BOLL: variants seen among roughly 807,000 people sequenced by gnomAD.
BOLL encodes boule RNA binding protein, also known as protein boule-like.
In BOLL, 23 loss-of-function variants were observed where a neutral mutation model predicts 44.4. The observed-to-expected ratio is 0.52, with a 90% confidence interval of 0.37 to 0.73. The LOEUF (loss-of-function observed/expected upper bound fraction) is 0.73, where lower values mean the gene tolerates loss of function less well. Ranked by LOEUF, BOLL falls within the 30% of genes least tolerant of loss-of-function variation. The pLI, the probability that BOLL is intolerant of heterozygous loss-of-function variation, is 0.00. For synonymous variants in BOLL, 97 were observed against 110.8 expected (o/e 0.88, Z 0.78); for missense variants, 287 against 338.3 (o/e 0.85, Z 1.19).
At position 197,728,179 on chromosome 2, in the gene BOLL, T is replaced by C. The variant is rs1238673364; in HGVS notation, c.*376A>G. On this transcript the variant is annotated 3_prime_UTR_variant, in exon 11 of 11. Transcript: ENST00000392296. ...ATATGAAAATAAATATCAAATAATA[T>C]GAAACATAACATCTAATTGTTTGAT... 3 of 328,636 alleles carry C rather than the reference T, an allele frequency of 9.1e-6. No homozygotes were observed. The highest frequency in any genetic ancestry group is 4.9e-5 in the East Asian group (1 of 20,336). The allele number at this position is 328,636 out of a possible 1,614,324, so 20.4% of individuals were successfully genotyped here. A position where few individuals can be genotyped will look rare whatever the true frequency, so the allele number is the denominator to read the frequency against.
At chr2:197,740,473 A>G (rs1687678766) in intron 10 of BOLL, among the ~76,000 whole-genome samples, 1 of 152,148 alleles carries the variant, frequency 6.6e-6, no homozygotes, top group Non-Finnish European at 1.5e-5. Context: ...AATTCCCTGT[A>G]CATAGTAGAT....
At chr2:197,743,234 T>C in intron 9 of BOLL, 75 bp from the exon 10 acceptor site, 3 of 1,038,228 alleles carry the variant, frequency 2.9e-6, no homozygotes, top group Admixed American at 3.0e-5. Flanking sequence ...ATTTACAATA[T>C]ACTAATCATC....
At chr2:197,773,262 C>T (rs1452483021) in intron 5 of BOLL, among the ~76,000 whole-genome samples, 1 of 151,342 alleles carries the variant, frequency 6.6e-6, no homozygotes, top group Non-Finnish European at 1.5e-5. Context: ...GTTCATTATT[C>T]AATAATGGTT....
At chr2:197,748,958 G>T (rs1688109817) in intron 9 of BOLL, among the ~76,000 whole-genome samples, 1 of 152,216 alleles carries the variant, frequency 6.6e-6, no homozygotes, top group African/African-American at 2.4e-5. Context: ...CTCCTAGCAG[G>T]GGTTGACAGA....
intron 7 of BOLL, among the ~76,000 whole-genome samples, chr2:197,766,324 C>T (rs1201051757): frequency 6.6e-6 from 1 of 152,106 alleles, no homozygotes; most frequent in Non-Finnish European, 1.5e-5. Context: ...TCTCTGTAAC[C>T]TCGCCAGCAT....
intron 7 of BOLL, among the ~76,000 whole-genome samples, chr2:197,765,777 G>C (rs1483394723): frequency 6.6e-6 from 1 of 151,944 alleles, no homozygotes; most frequent in Non-Finnish European, 1.5e-5. Flanking sequence ...TGTCACAGGA[G>C]GTTGTTACAC....
intron 1 of BOLL, chr2:197,784,543 G>C (rs2106400508): frequency 5.2e-6 from 1 of 194,120 alleles, no homozygotes; most frequent in African/African-American, 2.4e-5. Flanking sequence ...AGATTCTCCT[G>C]CCTCAGCCTC....
At chr2:197,733,582 CA>C (rs1687316887) in intron 10 of BOLL, among the ~76,000 whole-genome samples, 1 of 152,044 alleles carries the variant, frequency 6.6e-6, no homozygotes, top group Admixed American at 6.6e-5. Flanking sequence ...CTACAGTAAC[CA>C]AAACAGCATG....
chr2:197,775,533 C>T (rs1483683573), intron 5 of BOLL, 132 bp downstream of exon 5: 5 of 622,942 alleles, frequency 8.0e-6, no homozygotes, highest in African/African-American at 3.9e-5. Flanking sequence ...TCAGTTTTTC[C>T]ACCAACTTTG....
At chr2:197,729,247 C>T (rs1383092186) in intron 10 of BOLL, among the ~76,000 whole-genome samples, 4 of 152,238 alleles carry the variant, frequency 2.6e-5, no homozygotes, top group African/African-American at 9.6e-5. Flanking sequence ...CACTACTGCG[C>T]TTTTCCGACG....
chr2:197,779,948 C>T (rs1440177542), intron 2 of BOLL, among the ~76,000 whole-genome samples: 1 of 151,910 alleles, frequency 6.6e-6, no homozygotes, highest in Non-Finnish European at 1.5e-5. Context: ...AGTTCAACTG[C>T]CACCTCACTA....
Position 197,781,786 on chromosome 2 carries a change from G to C in BOLL, c.65C>G (p.Thr22Arg). 6.2e-7 allele frequency: 1 copy of C among 1,607,788 alleles called. No homozygotes were observed. Among genetic ancestry groups the C allele is most frequent in the Non-Finnish European group, 8.5e-7 (1 of 1,175,654 alleles). ...PVSPVPLNNP[T>R]SAPRYGTVIP... Reference sequence around the variant, plus strand: ...CACTGTTCCATATCTTGGGGCACTTGTTGGGTTATTCAAAGGCACAGGTGA... The same window carrying C: ...CACTGTTCCATATCTTGGGGCACTTCTTGGGTTATTCAAAGGCACAGGTGA... The change falls in exon 2 of 11, where the codon ACA becomes AGA. Residue 22 changes from threonine (T) to arginine (R), a missense_variant. Transcript: ENST00000392296.
intron 9 of BOLL, among the ~76,000 whole-genome samples, chr2:197,744,180 C>A (rs902404734): frequency 1.3e-5 from 2 of 152,206 alleles, no homozygotes. Context: ...TCAATTCGGT[C>A]TTACTGCATT....
chr2:197,784,763 A>T, intron 1 of BOLL: 1 of 987,602 alleles, frequency 1.0e-6, no homozygotes, highest in Non-Finnish European at 1.2e-6. Flanking sequence ...AGCAAGGCTC[A>T]GGTGGAGGCA....
intron 4 of BOLL, among the ~76,000 whole-genome samples, chr2:197,776,029 G>A (rs1009914109): frequency 3.3e-5 from 5 of 151,864 alleles, no homozygotes; most frequent in Admixed American, 1.3e-4. Context: ...ATTAATATTT[G>A]TGGCAATTTT....
At chr2:197,786,141 G>T (rs775313446), upstream of BOLL, 3 of 1,286,700 alleles carry the variant, frequency 2.3e-6, no homozygotes, top group Non-Finnish European at 3.1e-6. The surrounding 1 kb of genome is among the most constrained non-coding windows in gnomAD (Gnocchi z 5.9). Flanking sequence ...TGTGGCAGCT[G>T]CAGGGAAGCA....
intron 7 of BOLL, among the ~76,000 whole-genome samples, chr2:197,765,164 CTT>C (rs1688934357): frequency 6.6e-6 from 1 of 151,858 alleles, no homozygotes; most frequent in Non-Finnish European, 1.5e-5. Context: ...ATACAATGGA[CTT>C]TGGAGACTTA....
chr2:197,732,108 TA>T (rs1448686224), intron 10 of BOLL, among the ~76,000 whole-genome samples: 1 of 145,964 alleles, frequency 6.9e-6, no homozygotes, highest in Non-Finnish European at 1.5e-5. Context: ...ATAGACGCAA[TA>T]AAAAATGATA....
intron 10 of BOLL, among the ~76,000 whole-genome samples, chr2:197,731,779 A>C (rs1687194388): frequency 6.6e-6 from 1 of 152,028 alleles, no homozygotes; most frequent in Non-Finnish European, 1.5e-5. Context: ...GAGCAAAGAC[A>C]CAACATACCA....
Sources: gnomAD v4.1 joint callset for allele counts (sites outside exome capture counted in the v4.1 genomes callset) on GRCh38, gnomAD v4.1.1 for gene constraint, Gnocchi (gnomAD v3.1) non-coding constraint, MANE v1.5 for transcripts, NCBI Gene and HGNC (gene_info 2026-07-23, HGNC 2026-07-21) for gene names.